DDB1: variants seen among roughly 807,000 people sequenced by gnomAD.
The protein encoded by DDB1 is DNA damage-binding protein 1.
Under a neutral mutation model 133.1 loss-of-function variants are expected in DDB1, and 18 were observed. That is an observed-to-expected ratio of 0.14 (90% CI 0.09 to 0.20). The LOEUF is 0.20. Ranked by LOEUF, DDB1 falls within the 10% of genes least tolerant of loss-of-function variation. The pLI, the probability that DDB1 is intolerant of heterozygous loss-of-function variation, is 1.00. For missense variants in DDB1, 828 were observed against 1,459.2 expected, an observed-to-expected ratio of 0.57 and a Z score of 7.05; for synonymous variants, 580 against 550.5, an observed-to-expected ratio of 1.05 and a Z score of -0.75.
rs969536650 is a variant in DDB1 at position 61,329,389 on chromosome 11, C to G, written c.523G>C (p.Ala175Pro). ...TGGTAGACAAAGCAAATAGTAGGTG[C>G]TTGGCAACCATATAGGAACTTGACA... ...IDVKFLYGCQAPTICFVYQDP... is the reference protein window; with the variant it reads ...IDVKFLYGCQPPTICFVYQDP... Residue 175 changes from alanine (A) to proline (P), a missense_variant, in exon 4 of 27, where the codon GCA becomes CCA. Ala to Pro is a conservative substitution (Grantham distance 27, BLOSUM62 -1). Around this residue, in one of 7 missense-constraint regions of DDB1, gnomAD observed 210 missense variants for 344.8 expected, o/e 0.61. Transcript: ENST00000301764. 1 of 1,614,116 alleles carries G rather than the reference C, an allele frequency of 6.2e-7. No homozygotes were observed. The highest frequency in any genetic ancestry group is 8.5e-7 in the Non-Finnish European group (1 of 1,180,056).
At chr11:61,300,717 C>G (rs1855779686) in intron 26 of DDB1, 92 bp downstream of exon 26, 3 of 1,554,478 alleles carry the variant, frequency 1.9e-6, no homozygotes, top group African/African-American at 1.4e-5. Flanking sequence ...CATCTTGGAA[C>G]TGAGGAGGAG....
rs1203771956 is a variant in DDB1 at position 61,314,456 on chromosome 11, G to T, written c.1441C>A (p.Gln481Lys). The stretch of plus-strand genomic sequence containing the variant: ...TCACTGACCAGAGCTTTGGGTTCTT[G>T]AGAGACCAACCTCACCGATGCTGAA... ...ITSASVRLVS[Q>K]EPKALVSEWK... The change falls in exon 13 of 27, where the codon CAA (glutamine) becomes AAA (lysine). Residue 481 changes from glutamine (Q) to lysine (K), a missense_variant. This residue lies in a region of DDB1 where 396 missense variants were observed against 554.1 expected (regional missense o/e 0.71). Transcript: ENST00000301764. The T allele has an allele frequency of 6.2e-7, 1 of 1,613,688 alleles. No individual in the cohort carries two copies. The highest frequency in any genetic ancestry group is 1.7e-5 in the Admixed American group (1 of 59,894).
intron 10 of DDB1, among the ~76,000 whole-genome samples, chr11:61,320,419 T>C (rs1037850205): frequency 1.3e-5 from 2 of 152,216 alleles, no homozygotes; most frequent in African/African-American, 4.8e-5. Flanking sequence ...CAGGCTGGTC[T>C]CGAACTCCTG....
At chr11:61,316,025 T>C (rs1035564597) in intron 12 of DDB1, 5 of 347,892 alleles carry the variant, frequency 1.4e-5, no homozygotes, top group African/African-American at 8.3e-5. Flanking sequence ...TATGTTTATA[T>C]ATATAATGAC....
At chr11:61,306,307 T>C (rs951102783) in intron 21 of DDB1, among the ~76,000 whole-genome samples, 7 of 152,222 alleles carry the variant, frequency 4.6e-5, no homozygotes, top group African/African-American at 1.7e-4. Flanking sequence ...TCTCTTCCAC[T>C]GTCCCTCATA....
rs749175343 is a variant in DDB1, at chr11:61,326,902, GA to G, written c.550-10del. The G allele has an allele frequency of 1.6e-5, 25 of 1,607,486 alleles. No individual in the cohort carries two copies. The highest frequency in any genetic ancestry group is 1.3e-4 in the Admixed American group (8 of 59,974). On this transcript the variant is annotated splice_polypyrimidine_tract_variant and intron_variant, in intron 4 of 26. Transcript: ENST00000301764. ...TGCCGCCCCTGAGGGTCCTGGGGGG[GA>G]AAGGTAAAATGGTTAGCCCTTAGGA... is the stretch of plus-strand genomic sequence containing the variant.
At chr11:61,322,434 A>C in intron 8 of DDB1, 22 bp from the exon 9 acceptor site, 1 of 1,585,906 alleles carries the variant, frequency 6.3e-7, no homozygotes, top group South Asian at 1.1e-5. Flanking sequence ...GAACAATGTT[A>C]TGTTAGTCCT....
chr11:61,319,345 T>C (rs1856138988), intron 10 of DDB1, among the ~76,000 whole-genome samples: 1 of 152,248 alleles, frequency 6.6e-6, no homozygotes, highest in Non-Finnish European at 1.5e-5. Context: ...ACTCTGCCTA[T>C]TCATCAGCAA....
At chr11:61,315,802 T>A (rs1856053236) in intron 12 of DDB1, 1 of 153,056 alleles carries the variant, frequency 6.5e-6, no homozygotes, top group Non-Finnish European at 1.5e-5. Context: ...AAAGTAAGGA[T>A]CAGAATAGGG....
intron 4 of DDB1, 24 bp from the exon 5 acceptor site, chr11:61,326,917 T>C: frequency 6.3e-7 from 1 of 1,580,718 alleles, no homozygotes; most frequent in Non-Finnish European, 8.7e-7. Context: ...GTAAAATGGT[T>C]AGCCCTTAGG....
At chr11:61,301,140 C>T in intron 25 of DDB1, 2 of 640,044 alleles carry the variant, frequency 3.1e-6, no homozygotes, top group Admixed American at 3.1e-5. Context: ...TTGGGGTGAT[C>T]TTCAAAATAG....
chr11:61,300,318 C>A (rs1855772373), intron 26 of DDB1, 99 bp from the exon 27 acceptor site: 2 of 1,247,982 alleles, frequency 1.6e-6, no homozygotes, highest in South Asian at 1.3e-5. Context: ...AAGACTCCAC[C>A]ATTGTCATGG....
At chr11:61,312,528 A>C in intron 16 of DDB1, among the ~76,000 whole-genome samples, 1 of 96,322 alleles carries the variant, frequency 1.0e-5, no homozygotes, top group African/African-American at 4.2e-5. Flanking sequence ...TTTTTTTTTG[A>C]GACAGAGTCT....
rs999557004 is a variant in DDB1, at chr11:61,331,705, C to T, written c.62-14G>A. On this transcript the variant is annotated splice_polypyrimidine_tract_variant and intron_variant, in intron 1 of 26. Coordinates refer to ENST00000301764, the MANE Select transcript of DDB1 (RefSeq NM_001923.5). ...AAGTAAAGTGTCCTGAAAGAACAGA[C>T]CCTCTAACTTTTGAACTCAGGGGAA... 6.2e-6 allele frequency: 10 copies of T among 1,613,570 alleles called. No individual in the cohort carries two copies. The highest frequency in any genetic ancestry group is 7.6e-6 in the Non-Finnish European group (9 of 1,179,650).
intron 15 of DDB1, 77 bp from the exon 16 acceptor site, chr11:61,313,783 G>A: frequency 6.3e-7 from 1 of 1,589,258 alleles, no homozygotes; most frequent in Non-Finnish European, 8.6e-7. Context: ...TTCAAAAGCA[G>A]AACCCTGGGA....
chr11:61,300,778 C>A, intron 26 of DDB1, 31 bp downstream of exon 26: 1 of 1,613,208 alleles, frequency 6.2e-7, no homozygotes, highest in South Asian at 1.1e-5. Flanking sequence ...GTGGACTTGT[C>A]TGGCCCAGGG....
chr11:61,316,989 A>G lies in DDB1; in HGVS notation c.1226-422T>C, dbSNP rs1363901176. On this transcript the variant is annotated intron_variant, in intron 10 of 26. Coordinates refer to ENST00000301764, the MANE Select transcript of DDB1 (RefSeq NM_001923.5). ...TATATATATATATATATATATATAT[A>G]TATATATATAGACATGGCAGCCTGA... Among the ~76,000 whole-genome samples, 10 of 86,604 alleles carry G rather than the reference A, an allele frequency of 1.2e-4. No individual in the cohort carries two copies. The East Asian group carries it at 2.7e-3, about 23-fold the overall frequency. The allele number at this position is 86,604 out of a possible 152,430, so 56.8% of individuals were successfully genotyped here.
At chr11:61,326,696 G>T in intron 5 of DDB1, 83 bp downstream of exon 5, 2 of 1,066,892 alleles carry the variant, frequency 1.9e-6, no homozygotes, top group Non-Finnish European at 2.9e-6. Context: ...CAAAACGAAG[G>T]GCAGAGAAGG....
chr11:61,304,450 C>T (rs1855851585), intron 21 of DDB1, among the ~76,000 whole-genome samples: 1 of 151,676 alleles, frequency 6.6e-6, no homozygotes, highest in African/African-American at 2.4e-5. Flanking sequence ...CTAGGCGACA[C>T]AGCGAGACTC....
Sources: allele counts gnomAD v4.1 joint callset (sites outside exome capture counted in the v4.1 genomes callset), GRCh38; gene constraint gnomAD v4.1.1; regional missense constraint gnomAD v4.1.1; transcripts MANE v1.5; gene names NCBI Gene and HGNC (gene_info 2026-07-23, HGNC 2026-07-21).